The following NEK4 variants were observed in gnomAD, a reference collection of about 807,000 sequenced individuals.
NEK4 encodes serine/threonine-protein kinase Nek4.
Under a neutral mutation model 98.4 loss-of-function variants are expected in NEK4, and 86 were observed. That is an observed-to-expected ratio of 0.87 (90% CI 0.73 to 1.05). The LOEUF (loss-of-function observed/expected upper bound fraction) is 1.05, where lower values mean the gene tolerates loss of function less well. NEK4 is among the 50% of genes least tolerant of loss of function. The pLI, the probability that NEK4 is intolerant of heterozygous loss-of-function variation, is 0.00. For synonymous variants in NEK4, 328 were observed against 342.2 expected, an observed-to-expected ratio of 0.96 and a Z score of 0.46; for missense variants, 898 against 950.3, an observed-to-expected ratio of 0.94 and a Z score of 0.72.
chr3:52,746,253 C>A, intron 9 of NEK4, 43 bp from the exon 10 acceptor site: 1 of 1,573,914 alleles, frequency 6.4e-7, no homozygotes, highest in South Asian at 1.1e-5. Context: ...CATATATAGC[C>A]CCTTCCAATG....
At chr3:52,720,053 TG>T (rs1188859480) in intron 15 of NEK4, among the ~76,000 whole-genome samples, 1 of 152,050 alleles carries the variant, frequency 6.6e-6, no homozygotes, top group Non-Finnish European at 1.5e-5. Context: ...GAGGCCGAGG[TG>T]GGCGAATCAC....
chr3:52,731,916 TAGTG>T (rs776898805), intron 15 of NEK4, among the ~76,000 whole-genome samples: 18 of 152,338 alleles, frequency 1.2e-4, no homozygotes, highest in Admixed American at 2.6e-4. Flanking sequence ...GTTCTCATGA[TAGTG>T]AGTAAGTCTC....
intron 15 of NEK4, among the ~76,000 whole-genome samples, chr3:52,712,247 A>T (rs1253087376): frequency 1.3e-5 from 2 of 152,256 alleles, no homozygotes; most frequent in Admixed American, 1.3e-4. Flanking sequence ...TATATTTACA[A>T]AATAATCATA....
chr3:52,755,073 C>CAA (rs201856002), intron 6 of NEK4, among the ~76,000 whole-genome samples: 4 of 46,988 alleles, frequency 8.5e-5, no homozygotes, highest in South Asian at 6.4e-4. Context: ...GACTCCGTCT[C>CAA]AAAAAAAAAA....
intron 15 of NEK4, chr3:52,733,139 TAG>T (rs1331626509): frequency 5.5e-6 from 1 of 182,484 alleles, no homozygotes; most frequent in Non-Finnish European, 1.2e-5. Context: ...GCAAAGTTTT[TAG>T]AGTGTCTGCA....
chr3:52,748,057 T>C (rs958849795), intron 8 of NEK4, among the ~76,000 whole-genome samples: 10 of 151,986 alleles, frequency 6.6e-5, no homozygotes, highest in Non-Finnish European at 8.8e-5. Flanking sequence ...CCTCCTGGGT[T>C]CACGCCATTC....
intron 7 of NEK4, among the ~76,000 whole-genome samples, chr3:52,750,797 A>G (rs1053012615): frequency 2.0e-5 from 3 of 151,808 alleles, no homozygotes; most frequent in Non-Finnish European, 4.4e-5. Flanking sequence ...AAAAATTAGC[A>G]GGGCATGTCT....
intron 5 of NEK4, among the ~76,000 whole-genome samples, chr3:52,763,130 T>C (rs1413459692): frequency 1.3e-5 from 2 of 152,224 alleles, no homozygotes; most frequent in African/African-American, 4.8e-5. Context: ...CCTCTCTTTG[T>C]TCAATCAAGC....
Position 52,763,590 on chromosome 3 carries a change from A to G in NEK4, c.701T>C (p.Leu234Pro), listed in dbSNP as rs1698437987. Residue 234 changes from leucine (L) to proline (P), a missense_variant, in exon 5 of 16, where the codon CTG becomes CCG. Physicochemically the swap from Leu to Pro is moderately conservative, Grantham distance 98. Coordinates refer to ENST00000233027, the MANE Select transcript of NEK4 (RefSeq NM_003157.6). ...CAGCATTGTTCTTATCAGTTCTGCCAGCTCTGGGCTGTAATCTCTTGGCAT... is the reference window on the plus strand; with the variant it reads ...CAGCATTGTTCTTATCAGTTCTGCCGGCTCTGGGCTGTAATCTCTTGGCAT... ...PPMPRDYSPE[L>P]AELIRTMLSK... The G allele has an allele frequency of 5.0e-6, 8 of 1,610,848 alleles. No individual in the cohort carries two copies. The highest frequency in any genetic ancestry group is 6.8e-6 in the Non-Finnish European group (8 of 1,178,530).
intron 15 of NEK4, among the ~76,000 whole-genome samples, chr3:52,713,483 T>C (rs1375467826): frequency 2.0e-5 from 3 of 152,152 alleles, no homozygotes; most frequent in African/African-American, 4.8e-5. Flanking sequence ...AATAAACATA[T>C]GGCCCCTATT....
chr3:52,741,005 T>A (rs1578655719), intron 13 of NEK4, among the ~76,000 whole-genome samples: 1 of 150,508 alleles, frequency 6.6e-6, no homozygotes. Flanking sequence ...GAGGCCGAGG[T>A]GGGCAGATCA....
intron 12 of NEK4, among the ~76,000 whole-genome samples, chr3:52,741,766 GT>G (rs543944241): frequency 1.0e-4 from 15 of 147,480 alleles, no homozygotes; most frequent in African/African-American, 2.5e-4. Context: ...TATTTTGTTT[GT>G]TTTTTTTTTG....
In NEK4 at chr3:52,763,635, AAAT is replaced by A; in HGVS notation, c.667-14_667-12del. Reference sequence around the variant, plus strand: ...TGGCATTGGTGGCAGCTACAAATAAAAATAATATTGTAATTATGACTAATGGTC... The same window carrying A: ...TGGCATTGGTGGCAGCTACAAATAAAAATATTGTAATTATGACTAATGGTC... On this transcript the variant is annotated splice_polypyrimidine_tract_variant and intron_variant, in intron 4 of 15. Transcript: ENST00000233027. 2.5e-6 allele frequency: 4 copies of A among 1,573,548 alleles called. No individual in the cohort carries two copies. Among genetic ancestry groups the A allele is most frequent in the South Asian group, 2.3e-5 (2 of 85,822 alleles).
chr3:52,766,017 G>A (rs757888066), intron 3 of NEK4, 23 bp from the exon 4 acceptor site: 14 of 1,528,886 alleles, frequency 9.2e-6, no homozygotes, highest in Admixed American at 1.7e-5. Flanking sequence ...AACAGTAAAC[G>A]GTTAAATGTC....
At chr3:52,730,249 T>G (rs1356148687) in intron 15 of NEK4, among the ~76,000 whole-genome samples, 1 of 151,844 alleles carries the variant, frequency 6.6e-6, no homozygotes, top group Non-Finnish European at 1.5e-5. Flanking sequence ...AAATAGAAAA[T>G]CTGAATAGAC....
Position 52,746,791 on chromosome 3 carries a change from C to G in NEK4, c.1620G>C (p.Arg540Ser). The part of the protein sequence containing the change: ...PSLSRQRRQK[R>S]REQTEHRGEK... ...CCCCTCTGTGCTCAGTCTGTTCTCT[C>G]CTCTTTTGCCGTCGCTGTCGAGACA... The change falls in exon 9 of 16, where the codon AGG becomes AGC. Residue 540 changes from arginine (R) to serine (S), a missense_variant. Coordinates refer to ENST00000233027, the MANE Select transcript of NEK4 (RefSeq NM_003157.6). 6.2e-7 allele frequency: 1 copy of G among 1,614,166 alleles called. No homozygotes were observed. The highest frequency in any genetic ancestry group is 8.5e-7 in the Non-Finnish European group (1 of 1,180,016).
At position 52,739,301 on chromosome 3, in the gene NEK4, A is replaced by G. The variant is rs562390797; in HGVS notation, c.2299+128T>C. On this transcript the variant is annotated intron_variant, in intron 14 of 15. Transcript: ENST00000233027. ...GTAGTCCCAGCTACTTGGGAGGCTG[A>G]AGCAGGAGAATCGCTTGAACCCGGG... 2.1e-4 allele frequency: 150 copies of G among 718,354 alleles called. 4 individuals are homozygous for G. Among genetic ancestry groups the G allele is most frequent in the South Asian group, 6.0e-4 (36 of 59,514 alleles). 44.5% of individuals were successfully genotyped at this position (718,354 alleles called of 1,614,324 possible). A position where few individuals can be genotyped will look rare whatever the true frequency, so the allele number is the denominator to read the frequency against.
Position 52,724,256 on chromosome 3 carries a change from CACACACAA to C in NEK4, c.2434-12395_2434-12388del, listed in dbSNP as rs773776491. The stretch of plus-strand genomic sequence containing the variant: ...AAACACACACACACACACACACACA[CACACACAA>C]AACTGTCAAAAGACAAAGACAAAGA... On this transcript the variant is annotated intron_variant, in intron 15 of 15. Coordinates refer to ENST00000233027, the MANE Select transcript of NEK4 (RefSeq NM_003157.6). 4.1e-4 allele frequency among the ~76,000 whole-genome samples: 61 copies of C among 149,346 alleles called. 3 individuals are homozygous for C. The highest frequency in any genetic ancestry group is 2.4e-4 in the Non-Finnish European group (16 of 66,446).
chr3:52,744,480 T>C (rs1422521900), intron 10 of NEK4, among the ~76,000 whole-genome samples, 175 bp from the exon 11 acceptor site: 1 of 152,066 alleles, frequency 6.6e-6, no homozygotes, highest in Admixed American at 6.5e-5. Context: ...GGTCAGGAGT[T>C]CGAGGCCAGA....
Sources: gnomAD v4.1 joint callset for allele counts (sites outside exome capture counted in the v4.1 genomes callset) on GRCh38, gnomAD v4.1.1 for gene constraint, MANE v1.5 for transcripts, NCBI Gene and HGNC (gene_info 2026-07-23, HGNC 2026-07-21) for gene names.